PHKB: variants seen among roughly 807,000 people sequenced by gnomAD.
PHKB encodes phosphorylase b kinase regulatory subunit beta.
PHKB carries 122 observed loss-of-function variants against 152.1 expected under a neutral mutation model. The ratio of observed to expected loss-of-function variants is 0.80; its 90% CI spans 0.69 to 0.93. PHKB has a LOEUF of 0.93. Ranked by LOEUF, PHKB falls within the 40% of genes least tolerant of loss-of-function variation. PHKB has a pLI of 0.00. For missense variants in PHKB, 1,304 were observed against 1,328.4 expected, an observed-to-expected ratio of 0.98 and a Z score of 0.29; for synonymous variants, 436 against 464.9, an observed-to-expected ratio of 0.94 and a Z score of 0.80.
chr16:47,543,864 A>C (rs927960463), intron 6 of PHKB, among the ~76,000 whole-genome samples: 3 of 151,858 alleles, frequency 2.0e-5, no homozygotes, highest in Admixed American at 6.6e-5. Flanking sequence ...TATCATTTTT[A>C]TTACATCTAT....
intron 6 of PHKB, among the ~76,000 whole-genome samples, chr16:47,527,701 A>C (rs1237882495): frequency 1.3e-5 from 2 of 152,190 alleles, no homozygotes; most frequent in Non-Finnish European, 2.9e-5. Context: ...GGAGATATAA[A>C]CATAGTGTTT....
chr16:47,508,930 T>C (rs1039176684), intron 4 of PHKB, among the ~76,000 whole-genome samples: 1 of 152,188 alleles, frequency 6.6e-6, no homozygotes, highest in African/African-American at 2.4e-5. Flanking sequence ...AATGTACTTA[T>C]GTAATCCCCC....
chr16:47,502,462 A>G (rs1239221327), intron 3 of PHKB, among the ~76,000 whole-genome samples: 1 of 152,238 alleles, frequency 6.6e-6, no homozygotes, highest in Non-Finnish European at 1.5e-5. Flanking sequence ...AAAATACATC[A>G]TGTATCATCC....
At chr16:47,587,792 C>A (rs1163559143) in intron 9 of PHKB, 29 bp downstream of exon 9, 1 of 1,423,952 alleles carries the variant, frequency 7.0e-7, no homozygotes, top group East Asian at 2.3e-5. Flanking sequence ...ATAAATTTAA[C>A]ATGAACTATT....
chr16:47,654,121 C>T (rs901738671), intron 20 of PHKB, among the ~76,000 whole-genome samples: 23 of 152,078 alleles, frequency 1.5e-4, no homozygotes, highest in Admixed American at 2.6e-4. Flanking sequence ...AGGCATGCCA[C>T]GAGTGATCAA....
chr16:47,598,706 A>G (rs2151702943), intron 13 of PHKB: 3 of 1,568,676 alleles, frequency 1.9e-6, no homozygotes, highest in Admixed American at 1.7e-5. Flanking sequence ...AATGGCGCCC[A>G]TGGTTTCCAC....
chr16:47,581,259 C>T (rs1971839602), intron 8 of PHKB, among the ~76,000 whole-genome samples: 1 of 152,200 alleles, frequency 6.6e-6, no homozygotes, highest in Non-Finnish European at 1.5e-5. Context: ...GCAGCCACCT[C>T]TCTTCTCCTT....
intron 7 of PHKB, 111 bp from the exon 8 acceptor site, chr16:47,580,184 G>A (rs1971818186): frequency 1.3e-6 from 1 of 798,612 alleles, no homozygotes; most frequent in Non-Finnish European, 2.2e-6. Context: ...TCTTACAGAA[G>A]TTGTTATAAA....
intron 6 of PHKB, among the ~76,000 whole-genome samples, chr16:47,534,810 T>C (rs907751288): frequency 3.3e-5 from 5 of 152,246 alleles, no homozygotes; most frequent in African/African-American, 9.6e-5. Flanking sequence ...ACATTATTTC[T>C]ATGATATTCT....
chr16:47,640,184 A>AT (rs1202339620), intron 14 of PHKB, among the ~76,000 whole-genome samples: 1 of 152,184 alleles, frequency 6.6e-6, no homozygotes, highest in African/African-American at 2.4e-5. Context: ...GTTATATTGA[A>AT]TACCATAGAG....
chr16:47,468,868 T>C (rs1310022217), intron 1 of PHKB, among the ~76,000 whole-genome samples: 2 of 152,180 alleles, frequency 1.3e-5, no homozygotes, highest in Admixed American at 1.3e-4. Context: ...AATAGCTATT[T>C]TATCTGCCTG....
intron 14 of PHKB, among the ~76,000 whole-genome samples, chr16:47,616,920 C>T (rs1216152372): frequency 6.0e-5 from 9 of 150,980 alleles, no homozygotes; most frequent in Non-Finnish European, 1.3e-4. Flanking sequence ...TAGTTATCTG[C>T]AGCATGAACA....
chr16:47,504,528 C>T (rs1185659458), intron 4 of PHKB, among the ~76,000 whole-genome samples: 1 of 152,236 alleles, frequency 6.6e-6, no homozygotes, highest in Non-Finnish European at 1.5e-5. Flanking sequence ...GGCAACCTTA[C>T]AAACAATTCT....
intron 6 of PHKB, chr16:47,529,605 A>C (rs986984324): frequency 4.6e-5 from 7 of 152,262 alleles, no homozygotes; most frequent in African/African-American, 1.7e-4. Flanking sequence ...CTTGCCTCCC[A>C]AAGTGCTGGG....
intron 14 of PHKB, among the ~76,000 whole-genome samples, chr16:47,630,435 T>A (rs1323836013): frequency 6.6e-6 from 1 of 151,918 alleles, no homozygotes; most frequent in Non-Finnish European, 1.5e-5. Context: ...TGAGCTGAGA[T>A]TTCGCTGCTG....
intron 26 of PHKB, chr16:47,675,517 A>ACTCTCT (rs1250575870): frequency 4.2e-5 from 6 of 144,446 alleles, no homozygotes; most frequent in African/African-American, 1.6e-4. Context: ...ACACACACAC[A>ACTCTCT]CACTCTCTCT....
At chr16:47,545,457 G>A (rs937767351) in intron 6 of PHKB, among the ~76,000 whole-genome samples, 1 of 152,224 alleles carries the variant, frequency 6.6e-6, no homozygotes, top group South Asian at 2.1e-4. Flanking sequence ...TCTGCCGTGA[G>A]GTCTGCTGTT....
At chr16:47,677,078 T>C (rs1047586870) in intron 26 of PHKB, among the ~76,000 whole-genome samples, 2 of 152,164 alleles carry the variant, frequency 1.3e-5, no homozygotes. Context: ...GACTATAACA[T>C]TGCTTATGCA....
intron 8 of PHKB, among the ~76,000 whole-genome samples, chr16:47,582,294 C>T (rs896924598): frequency 2.0e-5 from 3 of 152,168 alleles, no homozygotes; most frequent in African/African-American, 7.2e-5. Flanking sequence ...TACCTGTATG[C>T]ACCCCTTCCT....
Sources: allele counts gnomAD v4.1 joint callset (sites outside exome capture counted in the v4.1 genomes callset), GRCh38; gene constraint gnomAD v4.1.1; transcripts MANE v1.5; gene names NCBI Gene and HGNC (gene_info 2026-07-23, HGNC 2026-07-21).